Variants in SYNE2 observed in about 807,000 individuals in gnomAD.
The protein encoded by SYNE2 is nesprin-2.
A neutral mutation model predicts 856.3 loss-of-function variants in SYNE2; 431 were observed. The observed-to-expected ratio is 0.50, with a 90% confidence interval of 0.47 to 0.55. The LOEUF (loss-of-function observed/expected upper bound fraction) is 0.55. Among genes scored for constraint, SYNE2 ranks in the 20% least tolerant of loss-of-function variants. The pLI is 0.00. For synonymous variants in SYNE2, 2,923 were observed against 2,872.3 expected (o/e 1.02, Z -0.56); for missense variants, 8,129 against 8,023.2 (o/e 1.01, Z -0.50).
chr14:63,790,649 G>A (rs981249260), intron 1 of SYNE2, among the ~76,000 whole-genome samples: 1 of 152,176 alleles, frequency 6.6e-6, no homozygotes, highest in African/African-American at 2.4e-5. Flanking sequence ...AGGGAGTGGT[G>A]TGAATAGGAG....
intron 1 of SYNE2, among the ~76,000 whole-genome samples, chr14:63,828,021 C>T (rs939716557): frequency 2.2e-5 from 3 of 139,442 alleles, no homozygotes; most frequent in Admixed American, 1.5e-4. Context: ...GGCGAGTCTT[C>T]GTCTTTCAAA....
chr14:63,797,667 C>T (rs1887971417), intron 1 of SYNE2, among the ~76,000 whole-genome samples: 1 of 152,212 alleles, frequency 6.6e-6, no homozygotes. Context: ...GTCTCGAACT[C>T]CTGACCACAA....
At chr14:64,072,082 G>A (rs1392072595) in intron 52 of SYNE2, among the ~76,000 whole-genome samples, 3 of 152,112 alleles carry the variant, frequency 2.0e-5, no homozygotes, top group African/African-American at 7.2e-5. Flanking sequence ...GTTAAACCAA[G>A]CCCCTAATAA....
chr14:63,952,057 A>T (rs1320205656), intron 7 of SYNE2, among the ~76,000 whole-genome samples: 1 of 152,200 alleles, frequency 6.6e-6, no homozygotes, highest in African/African-American at 2.4e-5. Context: ...TTTGTGTTTC[A>T]TTTCAATAAG....
intron 28 of SYNE2, 78 bp from the exon 29 acceptor site, chr14:64,001,856 C>G: frequency 6.9e-7 from 1 of 1,459,652 alleles, no homozygotes; most frequent in Non-Finnish European, 9.6e-7. Context: ...GTTCTTAGTT[C>G]AGTAATTGTG....
chr14:63,816,004 A>G (rs1251140831), intron 1 of SYNE2, among the ~76,000 whole-genome samples: 2 of 140,708 alleles, frequency 1.4e-5, no homozygotes, highest in Admixed American at 1.5e-4. Context: ...GCTGAAGTGC[A>G]GTGGTGCAAT....
In SYNE2 at chr14:64,048,175, CT is replaced by C; in HGVS notation, c.7377+21del. The C allele has an allele frequency of 6.2e-7, 1 of 1,609,408 alleles. No homozygotes were observed. The highest frequency in any genetic ancestry group is 8.5e-7 in the Non-Finnish European group (1 of 1,176,998). ...ATAGAGGTATGGAAACATAAAAACACTGACAACATGATTGCATCATTTATCC... is the reference window on the plus strand; with the variant it reads ...ATAGAGGTATGGAAACATAAAAACACGACAACATGATTGCATCATTTATCC... On this transcript the variant is annotated intron_variant, in intron 46 of 115. Coordinates refer to ENST00000555002, the MANE Select transcript of SYNE2 (RefSeq NM_182914.3).
chr14:63,851,102 C>T (rs768142292), upstream of SYNE2, among the ~76,000 whole-genome samples: 5 of 152,198 alleles, frequency 3.3e-5, no homozygotes, highest in African/African-American at 4.8e-5. Flanking sequence ...GTGGCTCATG[C>T]CTGTAATCCC....
At chr14:63,990,292 C>T (rs1217018133) in intron 19 of SYNE2, 119 bp from the exon 20 acceptor site, 14 of 901,982 alleles carry the variant, frequency 1.6e-5, no homozygotes, top group Middle Eastern at 3.4e-4. Flanking sequence ...TTTCAGAATG[C>T]AAATTTGCCT....
intron 1 of SYNE2, among the ~76,000 whole-genome samples, chr14:63,891,602 C>T (rs2095133826): frequency 6.6e-6 from 1 of 151,928 alleles, no homozygotes; most frequent in African/African-American, 2.4e-5. Context: ...TCTCGGTTGT[C>T]TTCAGCTCAA....
At chr14:64,185,781 A>G (rs2153745580) in intron 96 of SYNE2, among the ~76,000 whole-genome samples, 1 of 152,322 alleles carries the variant, frequency 6.6e-6, no homozygotes, top group Non-Finnish European at 1.5e-5. Context: ...TTGGGCTTCC[A>G]AAGTGCTGGG....
chr14:64,067,955 A>C (rs978891892), intron 51 of SYNE2, among the ~76,000 whole-genome samples: 20 of 152,076 alleles, frequency 1.3e-4, no homozygotes, highest in African/African-American at 4.6e-4. Context: ...GGTCTCCTTC[A>C]TTGGATTTGC....
intron 6 of SYNE2, among the ~76,000 whole-genome samples, chr14:63,942,380 G>A (rs775343300): frequency 1.4e-4 from 22 of 152,144 alleles, no homozygotes; most frequent in Non-Finnish European, 2.9e-4. Context: ...GTGCCGTGGC[G>A]CAGTCTTAAC....
Position 64,049,717 on chromosome 14 carries a change from G to A in SYNE2, c.7484G>A (p.Gly2495Glu), listed in dbSNP as rs372216564. ...ETGALVLHNI[G>E]YSAQHLDNLL... is the part of the protein sequence containing the mutation. Reference sequence around the variant, plus strand: ...GGGGCCTTGGTTCTCCACAATATAGGATATTCGGCACAGCATTTGGACAAT... The same window carrying A: ...GGGGCCTTGGTTCTCCACAATATAGAATATTCGGCACAGCATTTGGACAAT... Residue 2495 changes from glycine to glutamate, a missense_variant, in exon 47 of 116, where the codon GGA (glycine) becomes GAA (glutamate). Physicochemically the swap from Gly to Glu is moderately conservative, Grantham distance 98. Around this residue, in one of 3 missense-constraint regions of SYNE2, gnomAD observed 5,410 missense variants for 5,284.8 expected, o/e 1.02. Transcript: ENST00000555002. 1 of 1,613,976 alleles carries A rather than the reference G, an allele frequency of 6.2e-7. No individual in the cohort carries two copies. Among genetic ancestry groups the A allele is most frequent in the Non-Finnish European group, 8.5e-7 (1 of 1,180,008 alleles).
At position 63,790,009 on chromosome 14, in the gene SYNE2, C is replaced by G. The variant is rs567088436; in HGVS notation, c.-305+28023C>G. Among the ~76,000 whole-genome samples, 3 of 152,264 alleles carry G rather than the reference C, an allele frequency of 2.0e-5. No homozygotes were observed. In the East Asian group the frequency reaches 5.8e-4, roughly 29 times the overall value. ...ACATTCCTATTCCACTTCCACCCTCCCTCTGTAGAATGAGAGCTCAAGAGG... is the reference window on the plus strand; with the variant it reads ...ACATTCCTATTCCACTTCCACCCTCGCTCTGTAGAATGAGAGCTCAAGAGG... On this transcript the variant is annotated intron_variant, in intron 1 of 23. Coordinates refer to the SYNE2 transcript ENST00000674003.
Position 64,152,565 on chromosome 14 carries a change from A to G in SYNE2, c.15641A>G (p.Asp5214Gly). 1 of 1,614,020 alleles carries G rather than the reference A, an allele frequency of 6.2e-7. No homozygotes were observed. Residue 5214 changes from aspartate (D) to glycine (G), a missense_variant and splice_region_variant, in exon 85 of 116, where the codon GAT (aspartate) becomes GGT (glycine). Physicochemically the swap from Asp to Gly is moderately conservative, Grantham distance 94 (BLOSUM62 -1). Around this residue, in one of 3 missense-constraint regions of SYNE2, gnomAD observed 5,410 missense variants for 5,284.8 expected, o/e 1.02. Transcript: ENST00000555002. Reference sequence around the variant, plus strand: ...AACCTTTTCCTCTTACTCTTCCAGGATATAGAAAATCAACTTGCAATTAAA... The same window carrying G: ...AACCTTTTCCTCTTACTCTTCCAGGGTATAGAAAATCAACTTGCAATTAAA... ...SVQKLLLDCQ[D>G]IENQLAIKSK...
chr14:63,957,920 G>A (rs1308304873), intron 8 of SYNE2, among the ~76,000 whole-genome samples: 1 of 152,060 alleles, frequency 6.6e-6, no homozygotes, highest in African/African-American at 2.4e-5. Context: ...TACATATAAA[G>A]TATTTGAAGT....
chr14:63,901,128 T>A (rs190261732), intron 1 of SYNE2, among the ~76,000 whole-genome samples: 237 of 152,362 alleles, frequency 1.6e-3, no homozygotes, highest in Middle Eastern at 0.014. Context: ...TCAGTTAGAC[T>A]GGCAGGGCTT....
rs1242432428 is a variant in SYNE2, at chr14:64,053,667, A to C, written c.9744+10A>C. The C allele has an allele frequency of 6.2e-7, 1 of 1,611,784 alleles. No homozygotes were observed. The highest frequency in any genetic ancestry group is 8.5e-7 in the Non-Finnish European group (1 of 1,178,704). On this transcript the variant is annotated intron_variant, in intron 48 of 115. Transcript: ENST00000555002. ...CATTGATTTGCGCACAGTAAGTTTTAAAAATTATGCAGTTAGTGGCTGGGT... is the reference window on the plus strand; with the variant it reads ...CATTGATTTGCGCACAGTAAGTTTTCAAAATTATGCAGTTAGTGGCTGGGT...
Sources: gnomAD v4.1 joint callset for allele counts (sites outside exome capture counted in the v4.1 genomes callset) on GRCh38, gnomAD v4.1.1 for gene constraint, gnomAD v4.1.1 regional missense constraint, MANE v1.5 for transcripts, NCBI Gene and HGNC (gene_info 2026-07-23, HGNC 2026-07-21) for gene names.